Variants in ARHGAP24 observed in about 807,000 individuals in gnomAD.
ARHGAP24 encodes the protein rho GTPase-activating protein 24.
Under a neutral mutation model 76.4 loss-of-function variants are expected in ARHGAP24, and 50 were observed. The observed-to-expected ratio is 0.65, with a 90% CI of 0.52 to 0.83. The LOEUF (loss-of-function observed/expected upper bound fraction) is 0.83, where lower values mean the gene tolerates loss of function less well. Among genes scored for constraint, ARHGAP24 ranks in the 40% least tolerant of loss-of-function variants. The pLI, the probability that ARHGAP24 is intolerant of heterozygous loss-of-function variation, is 0.00. For synonymous variants in ARHGAP24, 345 were observed against 323.3 expected, an observed-to-expected ratio of 1.07 and a Z score of -0.72; for missense variants, 930 against 914.2, an observed-to-expected ratio of 1.02 and a Z score of -0.22.
intron 2 of ARHGAP24, among the ~76,000 whole-genome samples, chr4:85,659,606 A>C (rs994834714): frequency 1.3e-5 from 2 of 152,196 alleles, no homozygotes; most frequent in African/African-American, 2.4e-5. Flanking sequence ...ATATAATTTT[A>C]GTCTTAGAAA....
At chr4:85,896,530 A>C (rs574577394) in intron 3 of ARHGAP24, among the ~76,000 whole-genome samples, 1 of 152,212 alleles carries the variant, frequency 6.6e-6, no homozygotes, top group African/African-American at 2.4e-5. Flanking sequence ...TATTTAGAAG[A>C]GGATGCTGGA....
At chr4:85,708,138 A>T (rs534682305) in intron 2 of ARHGAP24, among the ~76,000 whole-genome samples, 2 of 152,250 alleles carry the variant, frequency 1.3e-5, no homozygotes, top group South Asian at 2.1e-4. Context: ...GGCCTCGTTT[A>T]TTCTTCAGCA....
chr4:85,932,717 G>GT (rs1038164343), intron 4 of ARHGAP24, among the ~76,000 whole-genome samples: 15 of 152,202 alleles, frequency 9.9e-5, no homozygotes, highest in African/African-American at 2.6e-4. Context: ...AGGATGAAGA[G>GT]TTTTTTTTAT....
chr4:85,964,734 T>G (rs1738474416), intron 5 of ARHGAP24, among the ~76,000 whole-genome samples: 1 of 151,944 alleles, frequency 6.6e-6, no homozygotes, highest in Non-Finnish European at 1.5e-5. Flanking sequence ...GAGGAGTCTG[T>G]TGTTTAGAAG....
chr4:85,821,683 C>T (rs534981317), intron 3 of ARHGAP24, among the ~76,000 whole-genome samples: 1 of 152,112 alleles, frequency 6.6e-6, no homozygotes, highest in Non-Finnish European at 1.5e-5. Context: ...CCATGCCCAG[C>T]CTATTATTTT....
chr4:85,851,362 T>A (rs1731221246), intron 3 of ARHGAP24, among the ~76,000 whole-genome samples: 3 of 152,234 alleles, frequency 2.0e-5, no homozygotes, highest in African/African-American at 7.2e-5. Flanking sequence ...GAGATGGGTC[T>A]CCTGAATACA....
intron 1 of ARHGAP24, among the ~76,000 whole-genome samples, chr4:85,536,741 TAGAGA>T (rs1243688855): frequency 6.6e-6 from 1 of 152,096 alleles, no homozygotes; most frequent in Non-Finnish European, 1.5e-5. Flanking sequence ...TTCGGGGAGA[TAGAGA>T]AAAGTGAGGA....
intron 3 of ARHGAP24, among the ~76,000 whole-genome samples, chr4:85,855,624 T>C (rs1731509282): frequency 6.6e-6 from 1 of 152,082 alleles, no homozygotes; most frequent in Non-Finnish European, 1.5e-5. Flanking sequence ...AAACCCTGTC[T>C]CTACTAAAAT....
At chr4:85,929,433 T>C (rs929048440) in intron 4 of ARHGAP24, among the ~76,000 whole-genome samples, 2 of 152,168 alleles carry the variant, frequency 1.3e-5, no homozygotes, top group East Asian at 1.9e-4. Flanking sequence ...TGGGGGTCAG[T>C]TGGGGTTAAG....
intron 4 of ARHGAP24, among the ~76,000 whole-genome samples, chr4:85,938,204 A>G (rs796500447): frequency 4.6e-5 from 7 of 152,288 alleles, no homozygotes; most frequent in African/African-American, 1.7e-4. Context: ...TTTATGACAC[A>G]CCAATGTACT....
chr4:85,748,099 C>G (rs1233096079), intron 3 of ARHGAP24, among the ~76,000 whole-genome samples: 2 of 152,230 alleles, frequency 1.3e-5, no homozygotes, highest in African/African-American at 4.8e-5. Flanking sequence ...AAGGCAGGCA[C>G]TTGTCTTGCA....
intron 3 of ARHGAP24, among the ~76,000 whole-genome samples, chr4:85,922,386 G>A (rs1349199715): frequency 6.6e-6 from 1 of 152,146 alleles, no homozygotes; most frequent in African/African-American, 2.4e-5. Context: ...TGGGTGTGGT[G>A]CCTGTTGTAA....
chr4:85,740,788 C>G (rs1725793779), intron 3 of ARHGAP24, among the ~76,000 whole-genome samples: 1 of 152,124 alleles, frequency 6.6e-6, no homozygotes, highest in Non-Finnish European at 1.5e-5. Context: ...CAAGCTCTTC[C>G]TTGCAATCAT....
chr4:85,783,212 T>C (rs1301646909), intron 3 of ARHGAP24, among the ~76,000 whole-genome samples: 1 of 152,186 alleles, frequency 6.6e-6, no homozygotes, highest in East Asian at 1.9e-4. Flanking sequence ...TGGTTTTGTT[T>C]CTTTTGCTGT....
intron 3 of ARHGAP24, among the ~76,000 whole-genome samples, chr4:85,839,843 C>CTTTTTTTTTTTTTTTTT (rs33974767): frequency 5.7e-5 from 6 of 105,628 alleles, no homozygotes; most frequent in Non-Finnish European, 9.0e-5. Context: ...TTTCTGTTTT[C>CTTTTTTTTTTTTTTTTT]TTTTTTTTTT....
rs564916723 is a variant in ARHGAP24, at chr4:85,740,433, G to A, written c.268+18461G>A. On this transcript the variant is annotated intron_variant, in intron 3 of 9. Transcript: ENST00000395184. ...GGACAGGGTTTCACCATGTTGGCCA[G>A]GCTGCTCTCGAACTCCTGACCTCAA... Among the ~76,000 whole-genome samples the A allele has an allele frequency of 4.6e-5, 7 of 152,134 alleles. No homozygotes were observed. The South Asian group carries it at 6.2e-4, about 14-fold the overall frequency.
chr4:85,655,974 T>A (rs1722157089), intron 2 of ARHGAP24, among the ~76,000 whole-genome samples: 1 of 152,012 alleles, frequency 6.6e-6, no homozygotes, highest in Non-Finnish European at 1.5e-5. Flanking sequence ...GTCACCTTTT[T>A]ATTGGGTTGC....
intron 3 of ARHGAP24, among the ~76,000 whole-genome samples, chr4:85,764,469 C>G (rs1001190998): frequency 1.3e-5 from 2 of 152,200 alleles, no homozygotes; most frequent in African/African-American, 4.8e-5. Flanking sequence ...TAGAGATAAC[C>G]TTTATTGATA....
chr4:85,944,360 C>T (rs1325499889), intron 5 of ARHGAP24, among the ~76,000 whole-genome samples: 1 of 152,084 alleles, frequency 6.6e-6, no homozygotes, highest in African/African-American at 2.4e-5. Flanking sequence ...TAAAAATAGC[C>T]TACTGTCTAC....
Sources: gnomAD v4.1 joint callset for allele counts (sites outside exome capture counted in the v4.1 genomes callset) on GRCh38, gnomAD v4.1.1 for gene constraint, MANE v1.5 for transcripts, NCBI Gene and HGNC (gene_info 2026-07-23, HGNC 2026-07-21) for gene names.